Variants in CDC42EP4 observed in about 807,000 individuals in gnomAD.
The protein encoded by CDC42EP4 is CDC42 effector protein (Rho GTPase binding) 4.
Under a neutral mutation model 5.6 loss-of-function variants are expected in CDC42EP4, and 6 were observed. That is an observed-to-expected ratio of 1.07 (90% CI 0.59 to 2.12). The LOEUF (loss-of-function observed/expected upper bound fraction) is 2.12. CDC42EP4 is among the 30% of genes most tolerant of loss of function. The pLI, the probability that CDC42EP4 is intolerant of heterozygous loss-of-function variation, is 0.00. For missense variants in CDC42EP4, 490 were observed against 508.6 expected (o/e 0.96, Z 0.35); for synonymous variants, 230 against 224.2 (o/e 1.03, Z -0.23).
Position 73,286,679 on chromosome 17 carries a change from C to T in CDC42EP4, c.-112-67G>A, listed in dbSNP as rs1235903217. On this transcript the variant is annotated intron_variant, in intron 1 of 1. Coordinates refer to ENST00000335793, the MANE Select transcript of CDC42EP4 (RefSeq NM_012121.5). The surrounding 1 kb of genome is among the most constrained non-coding windows in gnomAD (Gnocchi z 7.7). Reference sequence around the variant, plus strand: ...GCCACACGGCACAAAAGCCTCTTTGCCAGGGGACTGTCATTTAAACCCCAG... The same window carrying T: ...GCCACACGGCACAAAAGCCTCTTTGTCAGGGGACTGTCATTTAAACCCCAG... 1 of 588,404 alleles carries T rather than the reference C, an allele frequency of 1.7e-6. No individual in the cohort carries two copies. The highest frequency in any genetic ancestry group is 2.8e-5 in the East Asian group (1 of 36,036). The allele number at this position is 588,404 out of a possible 1,614,324, so 36.4% of individuals were successfully genotyped here. A position where few individuals can be genotyped will look rare whatever the true frequency, so the allele number is the denominator to read the frequency against.
chr17:73,296,467 A>C (rs1043541609), intron 1 of CDC42EP4, among the ~76,000 whole-genome samples: 26 of 151,056 alleles, frequency 1.7e-4, no homozygotes, highest in African/African-American at 5.8e-4. Context: ...ATGCCCAGTG[A>C]TGGAGGAATG....
At chr17:73,291,521 C>T (rs969537018) in intron 1 of CDC42EP4, among the ~76,000 whole-genome samples, 4 of 152,156 alleles carry the variant, frequency 2.6e-5, no homozygotes, top group Non-Finnish European at 5.9e-5. Flanking sequence ...TGGTGGGAGT[C>T]TCGCCAGAGG....
intron 1 of CDC42EP4, among the ~76,000 whole-genome samples, chr17:73,304,294 TGAGA>T (rs1491176908): frequency 6.6e-6 from 1 of 151,116 alleles, no homozygotes. Context: ...TTTTTTTTCC[TGAGA>T]GAGGGTCTTG....
chr17:73,297,295 CAA>C (rs771033180), intron 1 of CDC42EP4, among the ~76,000 whole-genome samples: 4 of 101,170 alleles, frequency 4.0e-5, no homozygotes, highest in Non-Finnish European at 5.8e-5. Context: ...ACTTCGTCTC[CAA>C]AAAAAAAAAA....
At chr17:73,289,937 G>A (rs2062154154) in intron 1 of CDC42EP4, among the ~76,000 whole-genome samples, 2 of 152,156 alleles carry the variant, frequency 1.3e-5, no homozygotes, top group Non-Finnish European at 2.9e-5. Flanking sequence ...AAAAAGAGAA[G>A]GTAGACTCTG....
At chr17:73,292,272 A>T (rs1270270252) in intron 1 of CDC42EP4, among the ~76,000 whole-genome samples, 1 of 152,226 alleles carries the variant, frequency 6.6e-6, no homozygotes, top group East Asian at 1.9e-4. Context: ...CAACCACCCG[A>T]TGCCAGGTCC....
At position 73,295,982 on chromosome 17, in the gene CDC42EP4, T is replaced by C. The variant is rs959366612; in HGVS notation, c.-112-9370A>G. On this transcript the variant is annotated intron_variant, in intron 1 of 1. Transcript: ENST00000335793. Reference sequence around the variant, plus strand: ...CCTCAAATAATGGCTTTAAAATGAATGTGATTTAAATGAATATGATTTACC... The same window carrying C: ...CCTCAAATAATGGCTTTAAAATGAACGTGATTTAAATGAATATGATTTACC... Among the ~76,000 whole-genome samples the C allele has an allele frequency of 3.3e-5, 5 of 151,166 alleles. 1 individual carries two copies. The highest frequency in any genetic ancestry group is 1.2e-4 in the African/African-American group (5 of 40,972).
chr17:73,306,518 C>T (rs1054644636), intron 1 of CDC42EP4, among the ~76,000 whole-genome samples: 4 of 152,050 alleles, frequency 2.6e-5, no homozygotes, highest in African/African-American at 9.7e-5. Context: ...AAAAATAATG[C>T]ACAAAACTTC....
In CDC42EP4 at chr17:73,285,510, C is replaced by A. The variant is rs1314245246; in HGVS notation, c.991G>T (p.Ala331Ser). 5 of 1,608,560 alleles carry A rather than the reference C, an allele frequency of 3.1e-6. No homozygotes were observed. In the East Asian group the frequency reaches 8.9e-5, roughly 29 times the overall value. The change falls in exon 2 of 2, where the codon GCC becomes TCC. Residue 331 changes from alanine (A) to serine (S), a missense_variant. Transcript: ENST00000335793. This position sits in a 1 kb window ranked among gnomAD's most constrained non-coding sequence, Gnocchi z 6.8. ...GGCTGTCTTGAGACAGCAGCCCGGG[C>A]CCTGTCCGGCCCCCGGAAGGCAGGG... ...RSPAFRGPDR[A>S]RAAVSRQPDK...
At chr17:73,300,581 A>T (rs1454964534) in intron 1 of CDC42EP4, among the ~76,000 whole-genome samples, 1 of 152,138 alleles carries the variant, frequency 6.6e-6, no homozygotes, top group Admixed American at 6.5e-5. Flanking sequence ...TAAACACTGG[A>T]GACTGGGAGG....
At chr17:73,305,086 G>A (rs1216102101) in intron 1 of CDC42EP4, among the ~76,000 whole-genome samples, 1 of 152,186 alleles carries the variant, frequency 6.6e-6, no homozygotes, top group African/African-American at 2.4e-5. Flanking sequence ...CACAGAGAAG[G>A]GAAGAAAAAG....
chr17:73,286,540 CCGGCAGGTCTGGGG>C lies in CDC42EP4; in HGVS notation c.-54_-41del. 3 of 1,501,074 alleles carry C rather than the reference CCGGCAGGTCTGGGG, an allele frequency of 2.0e-6. No homozygotes were observed. Among genetic ancestry groups the C allele is most frequent in the Non-Finnish European group, 2.7e-6 (3 of 1,112,130 alleles). The allele number at this position is 1,501,074 out of a possible 1,614,324, so 93.0% of individuals were successfully genotyped here. A position where few individuals can be genotyped will look rare whatever the true frequency, so the allele number is the denominator to read the frequency against. On this transcript the variant is annotated 5_prime_UTR_variant, in exon 2 of 2. Coordinates refer to ENST00000335793, the MANE Select transcript of CDC42EP4 (RefSeq NM_012121.5). This position sits in a 1 kb window ranked among gnomAD's most constrained non-coding sequence, Gnocchi z 7.7. ...GGGGAGGTGGGCCCTCCCGAGGTAG[CCGGCAGGTCTGGGG>C]TCAGATCTGAAGTCCAAGTCCAGTG...
intron 1 of CDC42EP4, among the ~76,000 whole-genome samples, chr17:73,288,547 G>A (rs1199251101): frequency 3.3e-5 from 5 of 151,944 alleles, no homozygotes; most frequent in African/African-American, 4.8e-5. Flanking sequence ...TGGGATCAGC[G>A]TGAGCCACCG....
Position 73,285,504 on chromosome 17 carries a change from C to A in CDC42EP4, c.997G>T (p.Ala333Ser), listed in dbSNP as rs780241894. 7.5e-6 allele frequency: 12 copies of A among 1,607,540 alleles called. No homozygotes were observed. The East Asian group carries it at 2.7e-4, about 36-fold the overall frequency. The change falls in exon 2 of 2, where the codon GCT (alanine) becomes TCT (serine). Residue 333 changes from alanine (A) to serine (S), a missense_variant. Coordinates refer to ENST00000335793, the MANE Select transcript of CDC42EP4 (RefSeq NM_012121.5). The surrounding 1 kb of genome is among the most constrained non-coding windows in gnomAD (Gnocchi z 6.8). ...PAFRGPDRAR[A>S]AVSRQPDKEF... is the part of the protein sequence containing the mutation. ...TTGTCTGGCTGTCTTGAGACAGCAG[C>A]CCGGGCCCTGTCCGGCCCCCGGAAG...
At chr17:73,299,075 A>G (rs769248499) in intron 1 of CDC42EP4, among the ~76,000 whole-genome samples, 1 of 151,634 alleles carries the variant, frequency 6.6e-6, no homozygotes, top group Non-Finnish European at 1.5e-5. Flanking sequence ...CCCCGGCCTC[A>G]GTCTCCCAAG....
chr17:73,303,299 C>T (rs1489854682), intron 1 of CDC42EP4, among the ~76,000 whole-genome samples: 2 of 151,822 alleles, frequency 1.3e-5, no homozygotes, highest in Non-Finnish European at 2.9e-5. Context: ...GCCGAGATCG[C>T]ACCCTTACAC....
chr17:73,285,315 A>G lies in CDC42EP4; in HGVS notation c.*115T>C, dbSNP rs2062125436. ...CCCTCATCTACAAGGTCCAGGGTCCATGGTCTGAATCAAGGGTCCTGGCTG... is the reference window on the plus strand; with the variant it reads ...CCCTCATCTACAAGGTCCAGGGTCCGTGGTCTGAATCAAGGGTCCTGGCTG... On this transcript the variant is annotated 3_prime_UTR_variant, in exon 2 of 2. Transcript: ENST00000335793. This position sits in a 1 kb window ranked among gnomAD's most constrained non-coding sequence, Gnocchi z 6.8. 2 of 823,298 alleles carry G rather than the reference A, an allele frequency of 2.4e-6. No individual in the cohort carries two copies. The highest frequency in any genetic ancestry group is 3.9e-6 in the Non-Finnish European group (2 of 518,850). 51.0% of individuals were successfully genotyped at this position (823,298 alleles called of 1,614,324 possible).
intron 1 of CDC42EP4, among the ~76,000 whole-genome samples, chr17:73,298,600 G>A (rs1483975760): frequency 6.6e-6 from 1 of 152,244 alleles, no homozygotes; most frequent in South Asian, 2.1e-4. Flanking sequence ...GGTCACATGA[G>A]GGCAACCAGC....
chr17:73,308,184 A>C (rs1260465440), intron 1 of CDC42EP4, among the ~76,000 whole-genome samples: 1 of 152,180 alleles, frequency 6.6e-6, no homozygotes, highest in African/African-American at 2.4e-5. Context: ...GCACCCCAGA[A>C]GCACTGGCTG....
Sources: allele counts gnomAD v4.1 joint callset (sites outside exome capture counted in the v4.1 genomes callset), GRCh38; gene constraint gnomAD v4.1.1; non-coding constraint Gnocchi (gnomAD v3.1); transcripts MANE v1.5; gene names NCBI Gene and HGNC (gene_info 2026-07-23, HGNC 2026-07-21).